The following EXOC5 variants were observed in gnomAD, a reference collection of about 807,000 sequenced individuals.
The protein encoded by EXOC5 is SEC10-like 1.
Under a neutral mutation model 90.8 loss-of-function variants are expected in EXOC5, and 17 were observed. The observed-to-expected ratio is 0.19, with a 90% CI of 0.13 to 0.28. The LOEUF (loss-of-function observed/expected upper bound fraction) is 0.28. EXOC5 is among the 10% of genes least tolerant of loss of function. The pLI is 1.00. For synonymous variants in EXOC5, 260 were observed against 270.0 expected, an observed-to-expected ratio of 0.96 and a Z score of 0.36; for missense variants, 569 against 830.6, an observed-to-expected ratio of 0.69 and a Z score of 3.87.
chr14:57,236,438 A>C (rs1025796922), intron 6 of EXOC5, among the ~76,000 whole-genome samples: 1 of 151,664 alleles, frequency 6.6e-6, no homozygotes, highest in Non-Finnish European at 1.5e-5. Flanking sequence ...GACACCCATT[A>C]CCACACCCAG....
At chr14:57,220,777 G>A (rs555360622) in intron 13 of EXOC5, among the ~76,000 whole-genome samples, 1 of 152,062 alleles carries the variant, frequency 6.6e-6, no homozygotes, top group Non-Finnish European at 1.5e-5. Flanking sequence ...TCTGGCCTGG[G>A]TGACAGAGCG....
rs779374174 is a variant in EXOC5 at position 57,231,635 on chromosome 14, G to C, written c.1019C>G (p.Ser340Cys). The change falls in exon 11 of 18, where the codon TCC becomes TGC. Residue 340 changes from serine (S) to cysteine (C), a missense_variant. Physicochemically the swap from Ser to Cys is moderately radical, Grantham distance 112 (BLOSUM62 -1). Transcript: ENST00000621441. ...KQTFLSKLIK[S>C]IFISYLENYI... ...GTTCTCCAAATAGGAAATGAAAATG[G>C]ATTTGATAAGCTTAGACAAGAAAGT... 4 of 1,612,924 alleles carry C rather than the reference G, an allele frequency of 2.5e-6. No individual in the cohort carries two copies. The highest frequency in any genetic ancestry group is 4.5e-5 in the East Asian group (2 of 44,834).
At chr14:57,267,528 A>G (rs1884709849) in intron 1 of EXOC5, among the ~76,000 whole-genome samples, 1 of 152,168 alleles carries the variant, frequency 6.6e-6, no homozygotes, top group Non-Finnish European at 1.5e-5. Flanking sequence ...GAAGTTCCCT[A>G]TTGTGGATTA....
intron 1 of EXOC5, among the ~76,000 whole-genome samples, chr14:57,255,050 T>C (rs933558297): frequency 3.3e-5 from 5 of 152,152 alleles, no homozygotes; most frequent in Non-Finnish European, 7.3e-5. Flanking sequence ...ACATATACCA[T>C]GAAAGAGGAA....
In EXOC5 at chr14:57,235,832, G is replaced by A; in HGVS notation, c.560-12C>T. On this transcript the variant is annotated splice_polypyrimidine_tract_variant and intron_variant, in intron 6 of 17. Coordinates refer to ENST00000621441, the MANE Select transcript of EXOC5 (RefSeq NM_006544.4). ...ATCATGGTATTTACCTAAAAATAAA[G>A]TCATTCAGCTACACTGAGGCATACA... 4 of 1,391,868 alleles carry A rather than the reference G, an allele frequency of 2.9e-6. No homozygotes were observed. Among genetic ancestry groups the A allele is most frequent in the Non-Finnish European group, 4.0e-6 (4 of 1,000,628 alleles). 86.2% of individuals were successfully genotyped at this position (1,391,868 alleles called of 1,614,324 possible).
chr14:57,217,867 G>T, intron 15 of EXOC5, 115 bp downstream of exon 15: 1 of 659,368 alleles, frequency 1.5e-6, no homozygotes, highest in Non-Finnish European at 2.7e-6. Flanking sequence ...ATCAAATGTA[G>T]CAATATGGTG....
At chr14:57,260,784 A>C (rs1042394549) in intron 1 of EXOC5, among the ~76,000 whole-genome samples, 6 of 152,242 alleles carry the variant, frequency 3.9e-5, no homozygotes, top group Non-Finnish European at 8.8e-5. Flanking sequence ...TCAAGGTACT[A>C]AACCAGGATT....
At position 57,246,733 on chromosome 14, in the gene EXOC5, T is replaced by C. The variant is rs1438813405; in HGVS notation, c.248A>G (p.Gln83Arg). 6.2e-7 allele frequency: 1 copy of C among 1,611,044 alleles called. No homozygotes were observed. The highest frequency in any genetic ancestry group is 1.7e-5 in the Admixed American group (1 of 59,914). ...TACCTGATTGCTTTTCTGCAGCTCT[T>C]GTACCTTCTTGGCAAATTCCTTGGC... ...KEAKEFAKKV[Q>R]ELQKSNQVAF... is the part of the protein sequence containing the mutation. Residue 83 changes from glutamine to arginine, a missense_variant, in exon 3 of 18, where the codon CAA becomes CGA. Coordinates refer to ENST00000621441, the MANE Select transcript of EXOC5 (RefSeq NM_006544.4).
chr14:57,230,442 C>T lies in EXOC5; in HGVS notation c.1149-561G>A, dbSNP rs955413189. ...TACCGTAAACACACACACACACACA[C>T]ACAAACACACACACAAATTCCTATT... On this transcript the variant is annotated intron_variant, in intron 11 of 17. Transcript: ENST00000621441. Among the ~76,000 whole-genome samples the T allele has an allele frequency of 9.3e-5, 14 of 149,812 alleles. No homozygotes were observed. In the South Asian group the frequency reaches 2.3e-3, roughly 24 times the overall value.
chr14:57,233,964 C>T, intron 8 of EXOC5, 24 bp downstream of exon 8: 1 of 1,593,764 alleles, frequency 6.3e-7, no homozygotes, highest in Non-Finnish European at 8.6e-7. Context: ...AAATAATATC[C>T]AACAAAGTGT....
chr14:57,260,586 A>G (rs1403322096), intron 1 of EXOC5, among the ~76,000 whole-genome samples: 1 of 152,190 alleles, frequency 6.6e-6, no homozygotes, highest in Non-Finnish European at 1.5e-5. Flanking sequence ...AAAGTTATAT[A>G]TATTATGTCT....
intron 4 of EXOC5, among the ~76,000 whole-genome samples, chr14:57,241,994 A>G (rs561849798): frequency 6.6e-5 from 10 of 151,812 alleles, no homozygotes; most frequent in South Asian, 2.1e-4. Flanking sequence ...TTAGCCGGGT[A>G]TGGTGGCAGG....
rs140631028 is a variant in EXOC5, at chr14:57,233,976, C to T, written c.714+12G>A. On this transcript the variant is annotated intron_variant, in intron 8 of 17. Coordinates refer to ENST00000621441, the MANE Select transcript of EXOC5 (RefSeq NM_006544.4). ...ATAAAATAATATCCAACAAAGTGTACTGTTATGTTACCTCCTGGCACTGCT... is the reference window on the plus strand; with the variant it reads ...ATAAAATAATATCCAACAAAGTGTATTGTTATGTTACCTCCTGGCACTGCT... The T allele has an allele frequency of 6.3e-4, 1,013 of 1,599,074 alleles. 1 individual carries two copies. In the African/African-American group the frequency reaches 0.011, roughly 18 times the overall value.
intron 5 of EXOC5, among the ~76,000 whole-genome samples, chr14:57,238,067 G>C (rs1883719340): frequency 6.6e-6 from 1 of 151,746 alleles, no homozygotes; most frequent in Non-Finnish European, 1.5e-5. Context: ...TGGCAAAAGA[G>C]ATGCCAAAGA....
intron 15 of EXOC5, among the ~76,000 whole-genome samples, chr14:57,214,426 T>C (rs1339273560): frequency 6.6e-6 from 1 of 152,140 alleles, no homozygotes; most frequent in Non-Finnish European, 1.5e-5. Context: ...TGAAGCATTT[T>C]TATTTCGGAT....
At chr14:57,232,532 T>C in intron 10 of EXOC5, 135 bp downstream of exon 10, 1 of 507,554 alleles carries the variant, frequency 2.0e-6, no homozygotes. Context: ...ATAACTAGTC[T>C]ATACAGCTAA....
At chr14:57,259,878 G>A (rs909107959) in intron 1 of EXOC5, among the ~76,000 whole-genome samples, 7 of 152,074 alleles carry the variant, frequency 4.6e-5, no homozygotes, top group African/African-American at 1.4e-4. Context: ...GAACAATGCC[G>A]AGCATACCAA....
intron 1 of EXOC5, among the ~76,000 whole-genome samples, chr14:57,251,573 T>G (rs1296819547): frequency 6.6e-6 from 1 of 151,714 alleles, no homozygotes; most frequent in Non-Finnish European, 1.5e-5. Context: ...ACATTTATAT[T>G]AAAAAATAAA....
chr14:57,238,219 TATATACACAC>T (rs1199277896), intron 5 of EXOC5, among the ~76,000 whole-genome samples: 1 of 73,818 alleles, frequency 1.4e-5, no homozygotes, highest in African/African-American at 4.5e-5. Context: ...ACTCCACATA[TATATACACAC>T]ACACACACAC....
Sources: allele counts gnomAD v4.1 joint callset (sites outside exome capture counted in the v4.1 genomes callset), GRCh38; gene constraint gnomAD v4.1.1; transcripts MANE v1.5; gene names NCBI Gene and HGNC (gene_info 2026-07-23, HGNC 2026-07-21).